GOLGB1: variants seen among roughly 807,000 people sequenced by gnomAD.
The protein encoded by GOLGB1 is golgin B1.
Under a neutral mutation model 336.9 loss-of-function variants are expected in GOLGB1, and 174 were observed. The observed-to-expected ratio is 0.52, with a 90% CI of 0.46 to 0.59. GOLGB1 has a LOEUF of 0.59. Ranked by LOEUF, GOLGB1 falls within the 20% of genes least tolerant of loss-of-function variation. The pLI is 0.00. For synonymous variants in GOLGB1, 1,208 were observed against 1,289.2 expected, an observed-to-expected ratio of 0.94 and a Z score of 1.35; for missense variants, 3,331 against 3,645.3, an observed-to-expected ratio of 0.91 and a Z score of 2.22.
rs1444414184 is a variant in GOLGB1 at position 121,670,760 on chromosome 3, G to GC, written c.9178-1406_9178-1405insG. Among the ~76,000 whole-genome samples, 5 of 149,584 alleles carry GC rather than the reference G, an allele frequency of 3.3e-5. No individual in the cohort carries two copies. The East Asian group carries it at 6.2e-4, about 19-fold the overall frequency. On this transcript the variant is annotated intron_variant, in intron 17 of 21. Coordinates refer to ENST00000614479, the MANE Select transcript of GOLGB1 (RefSeq NM_001366282.2). The stretch of plus-strand genomic sequence containing the variant: ...AAAATCATAGGGTTTTCTTTTGGGG[G>GC]GGGGGGTGTGGGAGGAGGTGGGAAT...
chr3:121,671,621 AT>A (rs1000701965), intron 17 of GOLGB1, among the ~76,000 whole-genome samples: 1 of 152,196 alleles, frequency 6.6e-6, no homozygotes, highest in African/African-American at 2.4e-5. Context: ...CACCTTAAGT[AT>A]TTGTCTTTCC....
At position 121,696,692 on chromosome 3, in the gene GOLGB1, T is replaced by C. The variant is rs1255100055; in HGVS notation, c.3831A>G (p.Glu1277=). Residue 1277 remains glutamate, a synonymous_variant, in exon 13 of 22, where the codon GAA becomes GAG. Transcript: ENST00000614479. ...GLEEPLFKAT[E]QHHTQPVLES... is the part of the protein sequence containing the mutation. ...CTAAAACAGGTTGAGTGTGATGCTG[T>C]TCTGTGGCTTTGAATAAAGGTTCTT... 2.5e-6 allele frequency: 4 copies of C among 1,613,974 alleles called. No individual in the cohort carries two copies.
chr3:121,684,713 TAA>T (rs925434367), intron 14 of GOLGB1, among the ~76,000 whole-genome samples: 6 of 152,116 alleles, frequency 3.9e-5, no homozygotes, highest in African/African-American at 1.4e-4. Flanking sequence ...ATCAATCAGA[TAA>T]GAGAGATAAA....
intron 10 of GOLGB1, 54 bp from the exon 11 acceptor site, chr3:121,702,649 C>T (rs1396874967): frequency 3.3e-5 from 27 of 813,060 alleles, no homozygotes; most frequent in Middle Eastern, 2.5e-4. Flanking sequence ...AATTCTCACA[C>T]TAACGCCCAG....
intron 10 of GOLGB1, among the ~76,000 whole-genome samples, chr3:121,710,328 T>C (rs373336874): frequency 6.6e-6 from 1 of 152,052 alleles, no homozygotes; most frequent in Non-Finnish European, 1.5e-5. Flanking sequence ...AAAGGGAACA[T>C]ATTATGAGGC....
Position 121,698,907 on chromosome 3 carries a change from T to C in GOLGB1, c.1616A>G (p.Asn539Ser), listed in dbSNP as rs769833587. 2 of 1,579,954 alleles carry C rather than the reference T, an allele frequency of 1.3e-6. No individual in the cohort carries two copies. The highest frequency in any genetic ancestry group is 1.7e-6 in the Non-Finnish European group (2 of 1,165,660). The change falls in exon 13 of 22, where the codon AAC becomes AGC. Residue 539 changes from asparagine (N) to serine (S), a missense_variant. Coordinates refer to ENST00000614479, the MANE Select transcript of GOLGB1 (RefSeq NM_001366282.2). ...VSEISIVDIANKRSSSAEESG... is the reference protein window; with the variant it reads ...VSEISIVDIASKRSSSAEESG... ...TTCCTCAGCAGAAGAGCTCCTCTTG[T>C]TGGCAATATCAACAATGCTGATCTA...
chr3:121,688,806 T>C (rs1215948731), intron 14 of GOLGB1, among the ~76,000 whole-genome samples: 6 of 146,768 alleles, frequency 4.1e-5, no homozygotes, highest in South Asian at 2.2e-4. Context: ...CCGCCCCGTC[T>C]GGGATGTGAG....
chr3:121,713,434 A>G (rs1010810212), intron 10 of GOLGB1, among the ~76,000 whole-genome samples: 1 of 152,236 alleles, frequency 6.6e-6, no homozygotes. Flanking sequence ...ATAAAATAAA[A>G]TACTTCTCAG....
At chr3:121,664,902 T>C in intron 21 of GOLGB1, 24 bp downstream of exon 21, 1 of 1,372,978 alleles carries the variant, frequency 7.3e-7, no homozygotes, top group South Asian at 1.2e-5. Context: ...TAAAACACCC[T>C]CTCTTTATCC....
intron 14 of GOLGB1, among the ~76,000 whole-genome samples, chr3:121,688,401 T>C (rs1187318042): frequency 1.3e-5 from 2 of 152,270 alleles, no homozygotes; most frequent in Non-Finnish European, 2.9e-5. Flanking sequence ...TTGGCCGGGC[T>C]GGTCTCCAGC....
intron 5 of GOLGB1, among the ~76,000 whole-genome samples, chr3:121,724,741 T>G (rs1052474020): frequency 6.6e-6 from 1 of 152,166 alleles, no homozygotes; most frequent in Non-Finnish European, 1.5e-5. Flanking sequence ...CATTTCAGAA[T>G]GCATTTTAGA....
rs1255031383 is a variant in GOLGB1 at position 121,691,473 on chromosome 3, T to C, written c.7891A>G (p.Thr2631Ala). Reference sequence around the variant, plus strand: ...AACTGGGCATGATAGAGTCCTAAAGTACCTTCTTCTTGCAAGGCTGTTACT... The same window carrying C: ...AACTGGGCATGATAGAGTCCTAAAGCACCTTCTTCTTGCAAGGCTGTTACT... Reference protein sequence around the residue: ...RQVTALQEEGTLGLYHAQLKV... With the variant: ...RQVTALQEEGALGLYHAQLKV... The change falls in exon 14 of 22, where the codon ACT becomes GCT. Residue 2631 changes from threonine (T) to alanine (A), a missense_variant. Thr to Ala is a moderately conservative substitution (Grantham distance 58). Transcript: ENST00000614479. The C allele has an allele frequency of 6.2e-7, 1 of 1,613,578 alleles. No individual in the cohort carries two copies. The highest frequency in any genetic ancestry group is 1.1e-5 in the South Asian group (1 of 90,956).
At chr3:121,714,532 A>AAAAAAG (rs1242144049) in intron 10 of GOLGB1, among the ~76,000 whole-genome samples, 1 of 152,164 alleles carries the variant, frequency 6.6e-6, no homozygotes, top group East Asian at 1.9e-4. Flanking sequence ...TACCAAAAAA[A>AAAAAAG]AAAAAGACTT....
chr3:121,728,415 C>T (rs918750173), intron 4 of GOLGB1, among the ~76,000 whole-genome samples: 2 of 152,188 alleles, frequency 1.3e-5, no homozygotes, highest in Non-Finnish European at 2.9e-5. Context: ...AGATTTCTTA[C>T]ACACGGTGAA....
intron 10 of GOLGB1, among the ~76,000 whole-genome samples, chr3:121,708,329 G>A (rs1381502996): frequency 6.6e-6 from 1 of 152,112 alleles, no homozygotes; most frequent in Non-Finnish European, 1.5e-5. Flanking sequence ...AGTAGTGATG[G>A]TTTTATATGT....
rs756581224 is a variant in GOLGB1, at chr3:121,730,944, T to C, written c.28A>G (p.Asn10Asp). 6.2e-7 allele frequency: 1 copy of C among 1,613,082 alleles called. No individual in the cohort carries two copies. The highest frequency in any genetic ancestry group is 2.2e-5 in the East Asian group (1 of 44,834). The change falls in exon 2 of 22, where the codon AAT becomes GAT. Residue 10 changes from asparagine to aspartate, a missense_variant. Coordinates refer to ENST00000614479, the MANE Select transcript of GOLGB1 (RefSeq NM_001366282.2). ...CCTGATAATTCATGCAAAACAACATTTGCTAATCCTGATAATCGGCTCAGC... is the reference window on the plus strand; with the variant it reads ...CCTGATAATTCATGCAAAACAACATCTGCTAATCCTGATAATCGGCTCAGC... MLSRLSGLANVVLHELSGDD... is the reference protein window; with the variant it reads MLSRLSGLADVVLHELSGDD...
At position 121,697,785 on chromosome 3, in the gene GOLGB1, A is replaced by G. The variant is rs1943077144; in HGVS notation, c.2738T>C (p.Phe913Ser). 1 of 1,613,856 alleles carries G rather than the reference A, an allele frequency of 6.2e-7. No homozygotes were observed. Among genetic ancestry groups the G allele is most frequent in the Non-Finnish European group, 8.5e-7 (1 of 1,179,914 alleles). The change falls in exon 13 of 22, where the codon TTT becomes TCT. Residue 913 changes from phenylalanine (F) to serine (S), a missense_variant. Coordinates refer to ENST00000614479, the MANE Select transcript of GOLGB1 (RefSeq NM_001366282.2). ...CTGAACCATTTTCTCAGTCATACTA[A>G]AGCTGATTTCTGTCACTTGTTGATC... ...EKDQQVTEIS[F>S]SMTEKMVQLN...
At chr3:121,672,991 T>C (rs1182409925) in intron 17 of GOLGB1, among the ~76,000 whole-genome samples, 5 of 152,218 alleles carry the variant, frequency 3.3e-5, no homozygotes, top group Non-Finnish European at 1.5e-5. Context: ...GGTCTGTGTG[T>C]CTGTTTTTAT....
intron 1 of GOLGB1, among the ~76,000 whole-genome samples, chr3:121,735,723 G>A (rs1229479778): frequency 6.6e-6 from 1 of 152,094 alleles, no homozygotes; most frequent in Non-Finnish European, 1.5e-5. Flanking sequence ...GATAAATGCA[G>A]AAATAAGTAT....
Sources: gnomAD v4.1 joint callset for allele counts (sites outside exome capture counted in the v4.1 genomes callset) on GRCh38, gnomAD v4.1.1 for gene constraint, MANE v1.5 for transcripts, NCBI Gene and HGNC (gene_info 2026-07-23, HGNC 2026-07-21) for gene names.